MAGI2: variants seen among roughly 807,000 people sequenced by gnomAD.
The protein encoded by MAGI2 is membrane-associated guanylate kinase, WW and PDZ domain-containing protein 2.
Under a neutral mutation model 133.3 loss-of-function variants are expected in MAGI2, and 35 were observed. The observed-to-expected ratio is 0.26, with a 90% CI of 0.20 to 0.35. The LOEUF (loss-of-function observed/expected upper bound fraction) is 0.35. MAGI2 is among the 10% of genes least tolerant of loss of function. The probability of loss-of-function intolerance (pLI) is 1.00; values close to 1 mark genes in which losing one functional copy is unlikely to be tolerated. For synonymous variants in MAGI2, 729 were observed against 710.6 expected (o/e 1.03, Z -0.41); for missense variants, 1,636 against 1,863.4 (o/e 0.88, Z 2.25).
At chr7:78,730,708 A>G (rs1821286872) in intron 2 of MAGI2, among the ~76,000 whole-genome samples, 1 of 152,180 alleles carries the variant, frequency 6.6e-6, no homozygotes, top group South Asian at 2.1e-4. Flanking sequence ...AACATAAAGT[A>G]GTACCATATA....
At chr7:79,244,079 AG>A (rs1486327727) in intron 1 of MAGI2, among the ~76,000 whole-genome samples, 2 of 152,234 alleles carry the variant, frequency 1.3e-5, no homozygotes, top group Admixed American at 1.3e-4. Flanking sequence ...TCTTTGTATA[AG>A]TAATGCACAC....
At chr7:78,988,678 GC>G (rs1036020529) in intron 2 of MAGI2, among the ~76,000 whole-genome samples, 1 of 152,092 alleles carries the variant, frequency 6.6e-6, no homozygotes, top group Non-Finnish European at 1.5e-5. Context: ...ACATGGTGGT[GC>G]TGAAAGCACT....
At chr7:78,828,639 T>C (rs1486582782) in intron 2 of MAGI2, among the ~76,000 whole-genome samples, 2 of 152,182 alleles carry the variant, frequency 1.3e-5, no homozygotes, top group Non-Finnish European at 2.9e-5. Context: ...GTGTGGACTT[T>C]AGTTAATGTT....
chr7:78,426,476 G>A (rs1002858120), intron 6 of MAGI2, among the ~76,000 whole-genome samples: 8 of 152,036 alleles, frequency 5.3e-5, no homozygotes, highest in Non-Finnish European at 1.2e-4. Context: ...GGAGCGCGGA[G>A]GGATAGCATT....
rs991037288 is a variant in MAGI2 at position 78,330,579 on chromosome 7, C to G, written c.1408+13199G>C. 1.0e-4 allele frequency among the ~76,000 whole-genome samples: 3 copies of G among 30,126 alleles called. 1 individual carries two copies. The highest frequency in any genetic ancestry group is 2.1e-4 in the Non-Finnish European group (3 of 14,398). The allele number at this position is 30,126 out of a possible 152,430, so 19.8% of individuals were successfully genotyped here. On this transcript the variant is annotated intron_variant, in intron 9 of 21. Coordinates refer to ENST00000354212, the MANE Select transcript of MAGI2 (RefSeq NM_012301.4). ...CCTGCAGTGAGCCGAGATTGCGCCACTGCACTCCAGCCTGGGCGACAGCGA... is the reference window on the plus strand; with the variant it reads ...CCTGCAGTGAGCCGAGATTGCGCCAGTGCACTCCAGCCTGGGCGACAGCGA...
intron 10 of MAGI2, among the ~76,000 whole-genome samples, chr7:78,205,966 G>C (rs549808111): frequency 6.6e-6 from 1 of 152,266 alleles, no homozygotes; most frequent in South Asian, 2.1e-4. Context: ...GCCAATGCTA[G>C]TGCCACAAAA....
chr7:78,603,370 T>C (rs932660850), intron 3 of MAGI2, among the ~76,000 whole-genome samples: 1 of 152,196 alleles, frequency 6.6e-6, no homozygotes, highest in African/African-American at 2.4e-5. Flanking sequence ...ATGACTATCC[T>C]GAGGAAACGT....
At chr7:78,709,292 A>G (rs323173) in intron 2 of MAGI2, among the ~76,000 whole-genome samples, 2 of 149,310 alleles carry the variant, frequency 1.3e-5, no homozygotes, top group Non-Finnish European at 3.0e-5. Context: ...CCCCACCCCC[A>G]CTCCACACAC....
At chr7:79,107,194 G>A (rs1818520672) in intron 1 of MAGI2, among the ~76,000 whole-genome samples, 1 of 152,194 alleles carries the variant, frequency 6.6e-6, no homozygotes, top group African/African-American at 2.4e-5. Context: ...GTAAGAGCAG[G>A]ATAGTTGAGG....
chr7:78,085,249 C>T (rs1816489785), intron 20 of MAGI2, among the ~76,000 whole-genome samples: 1 of 152,166 alleles, frequency 6.6e-6, no homozygotes. Context: ...AGAAAACAGG[C>T]TGGGCATGTT....
chr7:78,783,872 C>T (rs924207971), intron 2 of MAGI2, among the ~76,000 whole-genome samples: 22 of 152,180 alleles, frequency 1.4e-4, no homozygotes, highest in Admixed American at 1.1e-3. Flanking sequence ...TCTATTTTAG[C>T]ACACAGGATG....
intron 3 of MAGI2, among the ~76,000 whole-genome samples, chr7:78,597,611 T>C (rs772790258): frequency 3.3e-5 from 5 of 152,184 alleles, no homozygotes; most frequent in African/African-American, 4.8e-5. Context: ...ACTAAATGGT[T>C]TAAATATGGG....
intron 2 of MAGI2, among the ~76,000 whole-genome samples, chr7:78,740,284 T>A (rs1043011639): frequency 9.8e-5 from 15 of 152,308 alleles, no homozygotes; most frequent in African/African-American, 3.6e-4. Flanking sequence ...CTTTGCCATT[T>A]GGTTAAAATT....
intron 2 of MAGI2, among the ~76,000 whole-genome samples, chr7:78,636,369 T>A (rs1236656076): frequency 6.2e-5 from 9 of 145,668 alleles, no homozygotes; most frequent in African/African-American, 1.0e-4. Context: ...TTTTTTTTTT[T>A]GAAGAAGAAA....
At chr7:79,175,713 C>G (rs1188522661) in intron 1 of MAGI2, among the ~76,000 whole-genome samples, 2 of 151,928 alleles carry the variant, frequency 1.3e-5, no homozygotes, top group East Asian at 3.9e-4. Context: ...CAAATTTGTA[C>G]AGCATGTTAC....
chr7:78,703,946 G>A (rs1818341782), intron 2 of MAGI2, among the ~76,000 whole-genome samples: 1 of 151,824 alleles, frequency 6.6e-6, no homozygotes, highest in Admixed American at 6.6e-5. Flanking sequence ...AGGCTTAAAT[G>A]TAAAACCTGA....
At chr7:79,018,830 A>C (rs1379602297) in intron 1 of MAGI2, among the ~76,000 whole-genome samples, 2 of 152,218 alleles carry the variant, frequency 1.3e-5, no homozygotes, top group African/African-American at 4.8e-5. Context: ...TCAATTCAAA[A>C]GAAGACCTAA....
chr7:79,264,596 A>G (rs576441008), intron 1 of MAGI2, among the ~76,000 whole-genome samples: 188 of 152,260 alleles, frequency 1.2e-3, no homozygotes, highest in Non-Finnish European at 2.2e-3. Flanking sequence ...TTACTATTTT[A>G]TTTATATGAA....
intron 1 of MAGI2, among the ~76,000 whole-genome samples, chr7:79,318,441 A>G (rs1174323498): frequency 6.6e-6 from 1 of 152,214 alleles, no homozygotes; most frequent in Non-Finnish European, 1.5e-5. Context: ...ATGGAATAAA[A>G]TTCCTTTTGT....
Sources: gnomAD v4.1 joint callset for allele counts (sites outside exome capture counted in the v4.1 genomes callset) on GRCh38, gnomAD v4.1.1 for gene constraint, MANE v1.5 for transcripts, NCBI Gene and HGNC (gene_info 2026-07-23, HGNC 2026-07-21) for gene names.